The following GNAQ variants were observed in gnomAD, a reference collection of about 807,000 sequenced individuals.
GNAQ encodes the protein guanine nucleotide-binding protein G(q) subunit alpha.
GNAQ carries 8 observed loss-of-function variants against 43.9 expected under a neutral mutation model. The observed-to-expected ratio is 0.18, with a 90% CI of 0.11 to 0.33. The LOEUF (loss-of-function observed/expected upper bound fraction) is 0.33. Among genes scored for constraint, GNAQ ranks in the 10% least tolerant of loss-of-function variants. GNAQ has a pLI of 1.00. For missense variants in GNAQ, 158 were observed against 450.8 expected (o/e 0.35, Z 5.88); for synonymous variants, 155 against 170.7 (o/e 0.91, Z 0.71).
rs189162568 is a variant in GNAQ at position 77,962,711 on chromosome 9, G to T, written c.137-40366C>A. Among the ~76,000 whole-genome samples the T allele has an allele frequency of 3.9e-5, 6 of 152,006 alleles. No individual in the cohort carries two copies. In the East Asian group the frequency reaches 1.2e-3, roughly 30 times the overall value. ...GTGAAGCCAGCCTGGCCAACATGGT[G>T]AAACCCCGTGTCTAATAAAAAATAC... is the stretch of plus-strand genomic sequence containing the variant. On this transcript the variant is annotated intron_variant, in intron 1 of 6. Transcript: ENST00000286548.
At chr9:77,862,088 G>C (rs2117978444) in intron 2 of GNAQ, among the ~76,000 whole-genome samples, 1 of 152,004 alleles carries the variant, frequency 6.6e-6, no homozygotes, top group South Asian at 2.1e-4. Context: ...TGGCTTTGCA[G>C]GGTATACCCC....
intron 1 of GNAQ, among the ~76,000 whole-genome samples, chr9:77,973,086 T>A (rs1158283188): frequency 6.6e-6 from 1 of 151,782 alleles, no homozygotes; most frequent in African/African-American, 2.4e-5. Context: ...TCAATCTATA[T>A]GTTTAGTGTG....
chr9:77,741,735 G>C (rs531294874), intron 5 of GNAQ, among the ~76,000 whole-genome samples: 1 of 152,118 alleles, frequency 6.6e-6, no homozygotes, highest in African/African-American at 2.4e-5. Flanking sequence ...TGAAGACACA[G>C]GTAAACTTTT....
At chr9:77,922,669 A>C (rs1829015959) in intron 1 of GNAQ, among the ~76,000 whole-genome samples, 1 of 152,192 alleles carries the variant, frequency 6.6e-6, no homozygotes. Context: ...TTTGAACATG[A>C]TAAAACTTGA....
chr9:77,815,553 TCATAA>T lies in GNAQ; in HGVS notation c.476+58_476+62del, dbSNP rs1458342295. ...GGACAGAATAAAGAAGTTATGATAA[TCATAA>T]AACCTCCACATGGAAGTAAAGAGAA... On this transcript the variant is annotated intron_variant, in intron 3 of 6. Transcript: ENST00000286548. The T allele has an allele frequency of 4.8e-6, 5 of 1,035,452 alleles. No homozygotes were observed. The East Asian group carries it at 9.5e-5, about 20-fold the overall frequency. The allele number at this position is 1,035,452 out of a possible 1,614,324, so 64.1% of individuals were successfully genotyped here.
At chr9:77,837,608 A>G (rs185852316) in intron 2 of GNAQ, among the ~76,000 whole-genome samples, 3 of 151,746 alleles carry the variant, frequency 2.0e-5, no homozygotes, top group African/African-American at 7.3e-5. Flanking sequence ...TTGATTTTTT[A>G]AAAAAACAAC....
At chr9:78,023,685 G>C (rs1217125021) in intron 1 of GNAQ, among the ~76,000 whole-genome samples, 1 of 150,990 alleles carries the variant, frequency 6.6e-6, no homozygotes, top group Non-Finnish European at 1.5e-5. Context: ...ACATAAAAAA[G>C]AAACAAAAAA....
At chr9:77,931,007 A>C (rs78691011) in intron 1 of GNAQ, among the ~76,000 whole-genome samples, 1 of 151,874 alleles carries the variant, frequency 6.6e-6, no homozygotes, top group African/African-American at 2.4e-5. Context: ...CCTTGTAAGA[A>C]TTTAATGCCT....
At chr9:77,831,047 G>GGT (rs901731909) in intron 2 of GNAQ, among the ~76,000 whole-genome samples, 3 of 152,136 alleles carry the variant, frequency 2.0e-5, no homozygotes, top group African/African-American at 7.2e-5. Flanking sequence ...TTGCATAATT[G>GGT]GTGAATAAGA....
intron 5 of GNAQ, among the ~76,000 whole-genome samples, chr9:77,745,260 C>T (rs1488034698): frequency 1.3e-5 from 2 of 152,110 alleles, no homozygotes; most frequent in African/African-American, 2.4e-5. Context: ...AGACTCCTAA[C>T]CCAGGAAACT....
intron 2 of GNAQ, among the ~76,000 whole-genome samples, chr9:77,894,187 T>C (rs1056211492): frequency 1.3e-5 from 2 of 151,330 alleles, no homozygotes; most frequent in African/African-American, 4.9e-5. Context: ...TATTTCTCTG[T>C]TATCTGTACT....
intron 2 of GNAQ, among the ~76,000 whole-genome samples, chr9:77,864,668 T>C (rs1057011412): frequency 4.6e-5 from 7 of 152,186 alleles, no homozygotes; most frequent in Admixed American, 3.3e-4. Flanking sequence ...GAAAAGAATG[T>C]AGCCCCAGTG....
chr9:77,750,647 C>T (rs1056881042), intron 5 of GNAQ, among the ~76,000 whole-genome samples: 4 of 127,006 alleles, frequency 3.1e-5, no homozygotes, highest in African/African-American at 1.1e-4. Context: ...TTGAAGTCTT[C>T]CCAGTCATCA....
intron 2 of GNAQ, among the ~76,000 whole-genome samples, chr9:77,838,858 G>A (rs1332274852): frequency 6.6e-6 from 1 of 152,038 alleles, no homozygotes; most frequent in African/African-American, 2.4e-5. Context: ...GGATGCTGCT[G>A]AGATTTTTAG....
At chr9:77,906,531 G>A (rs1277971000) in intron 2 of GNAQ, among the ~76,000 whole-genome samples, 1 of 151,994 alleles carries the variant, frequency 6.6e-6, no homozygotes, top group Non-Finnish European at 1.5e-5. Flanking sequence ...GCACAAGTGA[G>A]AAAACAACTC....
intron 5 of GNAQ, among the ~76,000 whole-genome samples, chr9:77,760,791 T>C (rs1825989810): frequency 6.7e-6 from 1 of 150,348 alleles, no homozygotes; most frequent in Non-Finnish European, 1.5e-5. Context: ...CCATCCCATC[T>C]AGGAAGTGAG....
chr9:78,030,689 C>G, intron 1 of GNAQ: 1 of 401,696 alleles, frequency 2.5e-6, no homozygotes. Context: ...CCCACGCCAC[C>G]ACCCCATGGG....
At chr9:77,792,376 G>A (rs943481329) in intron 5 of GNAQ, among the ~76,000 whole-genome samples, 48 of 152,012 alleles carry the variant, frequency 3.2e-4, no homozygotes, top group Non-Finnish European at 4.6e-4. Context: ...ATTTTTAGAC[G>A]TTCTTAGTAC....
chr9:78,014,289 A>G lies in GNAQ; in HGVS notation c.136+16811T>C, dbSNP rs755821687. 8.5e-5 allele frequency among the ~76,000 whole-genome samples: 13 copies of G among 152,234 alleles called. No individual in the cohort carries two copies. In the South Asian group the frequency reaches 1.0e-3, roughly 12 times the overall value. On this transcript the variant is annotated intron_variant, in intron 1 of 6. Transcript: ENST00000286548. ...ATCAAGTGTAACAAGAACAAACTCAACTATTTTAAGAAAAGATTCACTCAG... is the reference window on the plus strand; with the variant it reads ...ATCAAGTGTAACAAGAACAAACTCAGCTATTTTAAGAAAAGATTCACTCAG...
Sources: allele counts gnomAD v4.1 joint callset (sites outside exome capture counted in the v4.1 genomes callset), GRCh38; gene constraint gnomAD v4.1.1; transcripts MANE v1.5; gene names NCBI Gene and HGNC (gene_info 2026-07-23, HGNC 2026-07-21).